TNFSF4: variants seen among roughly 807,000 people sequenced by gnomAD.
The protein encoded by TNFSF4 is tumor necrosis factor ligand superfamily member 4.
In TNFSF4, 4 loss-of-function variants were observed where a neutral mutation model predicts 7.3. That is an observed-to-expected ratio of 0.55 (90% confidence interval 0.27 to 1.25). TNFSF4 has a LOEUF of 1.25. Among genes scored for constraint, TNFSF4 ranks in the 50% most tolerant of loss-of-function variants. The probability of loss-of-function intolerance (pLI) is 0.12; values close to 1 mark genes in which losing one functional copy is unlikely to be tolerated. For synonymous variants in TNFSF4, 76 were observed against 83.7 expected, an observed-to-expected ratio of 0.91 and a Z score of 0.50; for missense variants, 181 against 208.8, an observed-to-expected ratio of 0.87 and a Z score of 0.82.
At chr1:173,312,606 C>T in the TNFSF4 span, among the ~76,000 whole-genome samples, 3 of 152,142 alleles carry the variant, frequency 2.0e-5, no homozygotes, top group East Asian at 5.8e-4. Flanking sequence ...AAATAGATTT[C>T]CTAAAAGTTC....
the TNFSF4 span, among the ~76,000 whole-genome samples, chr1:173,328,565 C>G: frequency 7.3e-5 from 11 of 150,138 alleles, no homozygotes; most frequent in Middle Eastern, 3.4e-3. Flanking sequence ...TTTACCCCCC[C>G]CCAAAAAAAA....
the TNFSF4 span, among the ~76,000 whole-genome samples, chr1:173,373,293 C>T: frequency 1.3e-5 from 2 of 152,184 alleles, no homozygotes; most frequent in Admixed American, 6.5e-5. Flanking sequence ...AGGAAACCAT[C>T]GGGCAGATGC....
chr1:173,181,264 T>C (rs141944137), downstream of TNFSF4, among the ~76,000 whole-genome samples: 20 of 152,330 alleles, frequency 1.3e-4, no homozygotes, highest in East Asian at 3.5e-3. Context: ...TCCTGTTAAT[T>C]ACTTTTGTAT....
At chr1:173,423,054 C>T in the TNFSF4 span, among the ~76,000 whole-genome samples, 4 of 150,612 alleles carry the variant, frequency 2.7e-5, no homozygotes, top group African/African-American at 7.3e-5. Flanking sequence ...CTGCAACCTC[C>T]GCCTCCCAGG....
At chr1:173,378,826 G>A in the TNFSF4 span, among the ~76,000 whole-genome samples, 3 of 150,662 alleles carry the variant, frequency 2.0e-5, no homozygotes, top group East Asian at 1.9e-4. Flanking sequence ...AATCTCCCCC[G>A]CCCATAAGGA....
the TNFSF4 span, among the ~76,000 whole-genome samples, chr1:173,318,937 G>A: frequency 6.6e-6 from 1 of 152,184 alleles, no homozygotes; most frequent in Non-Finnish European, 1.5e-5. Flanking sequence ...CAGACACTGA[G>A]CTAGCTGCAG....
the TNFSF4 span, among the ~76,000 whole-genome samples, chr1:173,307,199 A>G: frequency 1.3e-5 from 2 of 152,012 alleles, no homozygotes; most frequent in East Asian, 1.9e-4. Flanking sequence ...ATAAAAAAAA[A>G]TAACAGTAAG....
chr1:173,349,595 T>C, the TNFSF4 span, among the ~76,000 whole-genome samples: 1 of 152,196 alleles, frequency 6.6e-6, no homozygotes, highest in Non-Finnish European at 1.5e-5. Context: ...CCCATGACAG[T>C]GTGGCAATGC....
chr1:173,407,385 C>T, the TNFSF4 span, among the ~76,000 whole-genome samples: 1 of 151,844 alleles, frequency 6.6e-6, no homozygotes, highest in South Asian at 2.1e-4. Context: ...TATGACGAAA[C>T]CCCGTCTCCA....
At chr1:173,359,957 C>T in the TNFSF4 span, among the ~76,000 whole-genome samples, 1 of 152,256 alleles carries the variant, frequency 6.6e-6, no homozygotes, top group Non-Finnish European at 1.5e-5. Flanking sequence ...TTATACAACA[C>T]ATAGTGAGAA....
chr1:173,271,098 G>T, the TNFSF4 span, among the ~76,000 whole-genome samples: 2 of 152,114 alleles, frequency 1.3e-5, no homozygotes, highest in Non-Finnish European at 2.9e-5. Flanking sequence ...TAGGTTGCCT[G>T]TTCACTCTGA....
chr1:173,248,230 G>A, the TNFSF4 span, among the ~76,000 whole-genome samples: 28 of 152,000 alleles, frequency 1.8e-4, no homozygotes, highest in Non-Finnish European at 2.6e-4. Context: ...GGTGGCACAC[G>A]TCTGTAGTCT....
the TNFSF4 span, among the ~76,000 whole-genome samples, chr1:173,333,708 C>G: frequency 1.6e-4 from 25 of 152,160 alleles, 1 homozygote; most frequent in Admixed American, 1.5e-3. Flanking sequence ...GAACCCTGTT[C>G]TCAGACTTTC....
the TNFSF4 span, among the ~76,000 whole-genome samples, chr1:173,278,335 T>G: frequency 6.6e-6 from 1 of 152,104 alleles, no homozygotes; most frequent in South Asian, 2.1e-4. Flanking sequence ...CTCTCCTGAT[T>G]GTTCCTTCAA....
intron 1 of TNFSF4, among the ~76,000 whole-genome samples, chr1:173,195,935 C>G (rs980180843): frequency 3.9e-5 from 6 of 152,176 alleles, no homozygotes; most frequent in African/African-American, 1.4e-4. Context: ...ACGTGAACCT[C>G]TCCTCCCCGC....
the TNFSF4 span, among the ~76,000 whole-genome samples, chr1:173,215,337 G>A: frequency 1.3e-5 from 2 of 152,090 alleles, no homozygotes; most frequent in Non-Finnish European, 2.9e-5. Flanking sequence ...AGCAGACTAA[G>A]ATGGCTGGAA....
the TNFSF4 span, among the ~76,000 whole-genome samples, chr1:173,447,856 T>C: frequency 6.6e-6 from 1 of 151,974 alleles, no homozygotes. Context: ...TGATTAAAAA[T>C]AAATAAGACC....
At chr1:173,343,398 A>AG in the TNFSF4 span, among the ~76,000 whole-genome samples, 1 of 152,192 alleles carries the variant, frequency 6.6e-6, no homozygotes, top group South Asian at 2.1e-4. Flanking sequence ...TTATAAGCAG[A>AG]GGGGAAAACA....
chr1:173,362,914 A>G, the TNFSF4 span: 13 of 474,200 alleles, frequency 2.7e-5, no homozygotes, highest in Admixed American at 1.4e-4. Flanking sequence ...CATAATCTAT[A>G]ATGTACTCGT....
Sources: allele counts gnomAD v4.1 joint callset (sites outside exome capture counted in the v4.1 genomes callset), GRCh38; gene constraint gnomAD v4.1.1; transcripts MANE v1.5; gene names NCBI Gene and HGNC (gene_info 2026-07-23, HGNC 2026-07-21).